Variants in NELL1 observed in about 807,000 individuals in gnomAD.
The protein encoded by NELL1 is neural EGFL like 1.
NELL1 carries 76 observed loss-of-function variants against 107.4 expected under a neutral mutation model. The ratio of observed to expected loss-of-function variants is 0.71; its 90% confidence interval spans 0.59 to 0.86. The LOEUF (loss-of-function observed/expected upper bound fraction) is 0.86. NELL1 is among the 40% of genes least tolerant of loss of function. NELL1 has a pLI of 0.00. For synonymous variants in NELL1, 353 were observed against 341.2 expected, an observed-to-expected ratio of 1.03 and a Z score of -0.38; for missense variants, 1,024 against 1,005.5, an observed-to-expected ratio of 1.02 and a Z score of -0.25.
intron 2 of NELL1, among the ~76,000 whole-genome samples, chr11:20,763,482 C>T (rs1019398043): frequency 2.0e-5 from 3 of 152,096 alleles, no homozygotes; most frequent in African/African-American, 4.8e-5. Flanking sequence ...AATGACCACC[C>T]AGATATTAGT....
intron 16 of NELL1, among the ~76,000 whole-genome samples, chr11:21,551,891 T>A (rs1410204606): frequency 6.7e-6 from 1 of 149,020 alleles, no homozygotes; most frequent in Non-Finnish European, 1.5e-5. Flanking sequence ...CCAACCCAAA[T>A]GTCCAACAAT....
intron 14 of NELL1, among the ~76,000 whole-genome samples, chr11:21,346,809 T>G (rs1429276194): frequency 6.6e-6 from 1 of 151,994 alleles, no homozygotes; most frequent in African/African-American, 2.4e-5. Flanking sequence ...CCTTGCTCTC[T>G]CACTTACTTG....
intron 2 of NELL1, among the ~76,000 whole-genome samples, chr11:20,710,783 TCTC>T (rs1359482919): frequency 6.6e-6 from 1 of 151,972 alleles, no homozygotes; most frequent in Non-Finnish European, 1.5e-5. Flanking sequence ...ATTTTATCCA[TCTC>T]CTCTAGATTT....
chr11:20,688,163 GCTA>G (rs1292420156), intron 2 of NELL1, among the ~76,000 whole-genome samples: 1 of 151,686 alleles, frequency 6.6e-6, no homozygotes, highest in Admixed American at 6.6e-5. Flanking sequence ...TGTTATAGAG[GCTA>G]CTATGAGAGA....
intron 14 of NELL1, among the ~76,000 whole-genome samples, chr11:21,276,684 T>G (rs1848870374): frequency 6.6e-6 from 1 of 152,296 alleles, no homozygotes; most frequent in African/African-American, 2.4e-5. Context: ...AGCATGGTAC[T>G]GGTGCCAAAA....
At chr11:21,397,879 T>C (rs1292052525) in intron 15 of NELL1, among the ~76,000 whole-genome samples, 1 of 151,436 alleles carries the variant, frequency 6.6e-6, no homozygotes, top group East Asian at 2.0e-4. Context: ...CCTTCCACCA[T>C]GTGAGGTTAG....
At chr11:21,500,201 A>G (rs1298889517) in intron 15 of NELL1, among the ~76,000 whole-genome samples, 1 of 152,116 alleles carries the variant, frequency 6.6e-6, no homozygotes, top group Admixed American at 6.6e-5. Context: ...TCACCAGATA[A>G]GTTCACTAGC....
intron 13 of NELL1, among the ~76,000 whole-genome samples, chr11:21,212,904 A>G (rs1857531248): frequency 6.6e-6 from 1 of 152,248 alleles, no homozygotes. Context: ...AGATTGGAAA[A>G]GAACAAATCA....
intron 12 of NELL1, among the ~76,000 whole-genome samples, chr11:21,076,216 C>G (rs1306472715): frequency 6.6e-6 from 1 of 152,204 alleles, no homozygotes; most frequent in African/African-American, 2.4e-5. Context: ...GATTCCACAT[C>G]AACCAGAAAT....
chr11:21,084,534 C>T (rs1430151798), intron 12 of NELL1, among the ~76,000 whole-genome samples: 1 of 152,088 alleles, frequency 6.6e-6, no homozygotes, highest in Admixed American at 6.6e-5. Context: ...AGATGAGAGT[C>T]TCGCTCTCCA....
chr11:21,506,884 C>G (rs1449526079), intron 15 of NELL1, among the ~76,000 whole-genome samples: 1 of 152,136 alleles, frequency 6.6e-6, no homozygotes, highest in African/African-American at 2.4e-5. Context: ...GGAGTCCTTT[C>G]ATTTCTGGTC....
chr11:20,816,471 C>G (rs1022702598), intron 3 of NELL1, among the ~76,000 whole-genome samples: 2 of 152,132 alleles, frequency 1.3e-5, no homozygotes, highest in African/African-American at 4.8e-5. Context: ...TATAGAAATG[C>G]TGCTGATTTT....
In NELL1 at chr11:21,343,670, C is replaced by T. The variant is rs116962276; in HGVS notation, c.1550-27183C>T. On this transcript the variant is annotated intron_variant, in intron 14 of 19. Coordinates refer to ENST00000357134, the MANE Select transcript of NELL1 (RefSeq NM_006157.5). ...CTTCATCAAAATTACCCAGTTTTGC[C>T]TTTGTAACACAAAAACAGCCAAAGA... Among the ~76,000 whole-genome samples the T allele has an allele frequency of 6.0e-3, 916 of 152,226 alleles. 2 individuals carry two copies. Among genetic ancestry groups the T allele is most frequent in the Non-Finnish European group, 9.5e-3 (644 of 68,008 alleles).
At chr11:21,267,902 A>T (rs1325498405) in intron 14 of NELL1, among the ~76,000 whole-genome samples, 1 of 152,150 alleles carries the variant, frequency 6.6e-6, no homozygotes. Flanking sequence ...TTTCATTTGC[A>T]TGAAATGATT....
intron 9 of NELL1, chr11:20,935,552 G>A (rs768036351): frequency 6.6e-6 from 1 of 152,202 alleles, no homozygotes; most frequent in Non-Finnish European, 1.5e-5. Context: ...GAATGGCCTT[G>A]TTTGCTGAAC....
At chr11:21,292,677 C>A (rs965534471) in intron 14 of NELL1, among the ~76,000 whole-genome samples, 3 of 152,172 alleles carry the variant, frequency 2.0e-5, no homozygotes, top group African/African-American at 4.8e-5. Flanking sequence ...TGACTTCAAA[C>A]TATACTGCAA....
At chr11:21,031,605 A>G (rs1852958670) in intron 12 of NELL1, among the ~76,000 whole-genome samples, 1 of 152,206 alleles carries the variant, frequency 6.6e-6, no homozygotes, top group South Asian at 2.1e-4. Context: ...CAGTGAAAAT[A>G]ATAGCACTTT....
At chr11:21,281,173 C>A (rs1848984140) in intron 14 of NELL1, among the ~76,000 whole-genome samples, 1 of 151,764 alleles carries the variant, frequency 6.6e-6, no homozygotes, top group Non-Finnish European at 1.5e-5. Flanking sequence ...TTGCCATGCC[C>A]CAGCTCCTGA....
At chr11:21,060,053 G>A (rs1853702592) in intron 12 of NELL1, among the ~76,000 whole-genome samples, 1 of 152,154 alleles carries the variant, frequency 6.6e-6, no homozygotes, top group Non-Finnish European at 1.5e-5. Flanking sequence ...TGAACCACAT[G>A]GGGTTAGGCA....
Sources: allele counts gnomAD v4.1 joint callset (sites outside exome capture counted in the v4.1 genomes callset), GRCh38; gene constraint gnomAD v4.1.1; transcripts MANE v1.5; gene names NCBI Gene and HGNC (gene_info 2026-07-23, HGNC 2026-07-21).